Variants in MAGEA3 observed in about 807,000 individuals in gnomAD.
The protein encoded by MAGEA3 is melanoma-associated antigen 3.
For missense variants in MAGEA3, 207 were observed against 239.1 expected, an observed-to-expected ratio of 0.87 and a Z score of 0.89; for synonymous variants, 110 against 102.2, an observed-to-expected ratio of 1.08 and a Z score of -0.46.
Position 152,701,824 on chromosome X carries a change from C to T in MAGEA3, c.*47C>T. On this transcript the variant is annotated 3_prime_UTR_variant, in exon 3 of 3. Coordinates refer to ENST00000370278, the MANE Select transcript of MAGEA3 (RefSeq NM_005362.4). ...AGGGCCAGTGGGAGGGGGTCTGGGCCAGTGCACCTTCCGGGGCCGCATCCC... is the reference window on the plus strand; with the variant it reads ...AGGGCCAGTGGGAGGGGGTCTGGGCTAGTGCACCTTCCGGGGCCGCATCCC... 1 of 1,146,526 alleles carries T rather than the reference C, an allele frequency of 8.7e-7. No individual in the cohort carries two copies. The highest frequency in any genetic ancestry group is 1.2e-6 in the Non-Finnish European group (1 of 850,467). The allele number at this position is 1,146,526 out of a possible 1,213,427, so 94.5% of individuals were successfully genotyped here.
Position 152,700,615 on chromosome X carries a change from C to T in MAGEA3, c.-131-7C>T. The T allele has an allele frequency of 1.5e-6, 1 of 676,684 alleles. No homozygotes were observed. 55.8% of individuals were successfully genotyped at this position (676,684 alleles called of 1,213,427 possible). On this transcript the variant is annotated splice_polypyrimidine_tract_variant and splice_region_variant and intron_variant, in intron 1 of 2. Coordinates refer to ENST00000370278, the MANE Select transcript of MAGEA3 (RefSeq NM_005362.4). ...ACCCTGAGGTGCCCTCTCACTTCCT[C>T]CTTCAGGTTCTGAGGGGACAGGCTG...
chrX:152,701,815 G>A lies in MAGEA3; in HGVS notation c.*38G>A, dbSNP rs1931784444. 6.0e-6 allele frequency: 7 copies of A among 1,170,305 alleles called. 1 individual carries two copies. Among genetic ancestry groups the A allele is most frequent in the Non-Finnish European group, 8.0e-6 (7 of 870,397 alleles). On this transcript the variant is annotated 3_prime_UTR_variant, in exon 3 of 3. Coordinates refer to ENST00000370278, the MANE Select transcript of MAGEA3 (RefSeq NM_005362.4). ...GTTGCAGCCAGGGCCAGTGGGAGGG[G>A]GTCTGGGCCAGTGCACCTTCCGGGG...
In MAGEA3 at chrX:152,701,797, C is replaced by T. The variant is rs1556827270; in HGVS notation, c.*20C>T. On this transcript the variant is annotated 3_prime_UTR_variant, in exon 3 of 3. Transcript: ENST00000370278. ...GAGTGAGTCTGAGCACGAGTTGCAGCCAGGGCCAGTGGGAGGGGGTCTGGG... is the reference window on the plus strand; with the variant it reads ...GAGTGAGTCTGAGCACGAGTTGCAGTCAGGGCCAGTGGGAGGGGGTCTGGG... 9 of 1,194,755 alleles carry T rather than the reference C, an allele frequency of 7.5e-6. No individual in the cohort carries two copies. The highest frequency in any genetic ancestry group is 3.0e-5 in the East Asian group (1 of 33,738).
Position 152,701,830 on chromosome X carries a change from A to G in MAGEA3, c.*53A>G. ...AGTGGGAGGGGGTCTGGGCCAGTGC[A>G]CCTTCCGGGGCCGCATCCCTTAGTT... On this transcript the variant is annotated 3_prime_UTR_variant, in exon 3 of 3. Transcript: ENST00000370278. The G allele has an allele frequency of 8.8e-7, 1 of 1,134,979 alleles. No homozygotes were observed. Among genetic ancestry groups the G allele is most frequent in the Non-Finnish European group, 1.2e-6 (1 of 841,621 alleles). The allele number at this position is 1,134,979 out of a possible 1,213,427, so 93.5% of individuals were successfully genotyped here.
Position 152,701,886 on chromosome X carries a change from C to T in MAGEA3, c.*109C>T, listed in dbSNP as rs1248767196. On this transcript the variant is annotated 3_prime_UTR_variant, in exon 3 of 3. Coordinates refer to ENST00000370278, the MANE Select transcript of MAGEA3 (RefSeq NM_005362.4). ...TGCCTCCTGTGACGTGAGGCCCATT[C>T]TTCACTCTTTGAAGCGAGCAGTCAG... is the stretch of plus-strand genomic sequence containing the variant. The T allele has an allele frequency of 1.1e-5, 9 of 811,232 alleles. No homozygotes were observed. The highest frequency in any genetic ancestry group is 2.1e-5 in the African/African-American group (1 of 47,817). 66.9% of individuals were successfully genotyped at this position (811,232 alleles called of 1,213,427 possible). A position where few individuals can be genotyped will look rare whatever the true frequency, so the allele number is the denominator to read the frequency against.
chrX:152,700,131 C>CA (rs1474992449), intron 1 of MAGEA3, among the ~76,000 whole-genome samples: 4 of 103,530 alleles, frequency 3.9e-5, no homozygotes, highest in Non-Finnish European at 7.8e-5. Context: ...TGTGGGTCCC[C>CA]TCATGTTTTT....
chrX:152,701,190 C>T lies in MAGEA3; in HGVS notation c.358C>T (p.Leu120=). The part of the protein sequence containing the change: ...SRKVAELVHF[L]LLKYRAREPV... Reference sequence around the variant, plus strand: ...GAAGGTGGCCGAGTTGGTTCATTTTCTGCTCCTCAAGTATCGAGCCAGGGA... The same window carrying T: ...GAAGGTGGCCGAGTTGGTTCATTTTTTGCTCCTCAAGTATCGAGCCAGGGA... The change falls in exon 3 of 3, where the codon CTG becomes TTG. Residue 120 remains leucine (L), a synonymous_variant. Transcript: ENST00000370278. 8.3e-7 allele frequency: 1 copy of T among 1,209,890 alleles called. No individual in the cohort carries two copies. Among genetic ancestry groups the T allele is most frequent in the Non-Finnish European group, 1.1e-6 (1 of 894,128 alleles).
At position 152,701,642 on chromosome X, in the gene MAGEA3, A is replaced by G. The variant is rs12846936; in HGVS notation, c.810A>G (p.Glu270=). Residue 270 remains glutamate, a synonymous_variant, in exon 3 of 3, where the codon GAA becomes GAG. Coordinates refer to ENST00000370278, the MANE Select transcript of MAGEA3 (RefSeq NM_005362.4). ...CCGGCAGTGATCCTGCATGTTATGA[A>G]TTCCTGTGGGGTCCAAGGGCCCTCG... ...QVPGSDPACY[E]FLWGPRALVE... 524 of 1,208,904 alleles carry G rather than the reference A, an allele frequency of 4.3e-4. 5 individuals carry two copies. Among genetic ancestry groups the G allele is most frequent in the African/African-American group, 3.3e-3 (191 of 57,344 alleles).
Position 152,701,516 on chromosome X carries a change from A to G in MAGEA3, c.684A>G (p.Leu228=). The G allele has an allele frequency of 8.3e-6, 10 of 1,210,322 alleles. No homozygotes were observed. Among genetic ancestry groups the G allele is most frequent in the Non-Finnish European group, 1.1e-5 (10 of 894,530 alleles). The change falls in exon 3 of 3, where the codon TTA becomes TTG. Residue 228 remains leucine, a synonymous_variant. Coordinates refer to ENST00000370278, the MANE Select transcript of MAGEA3 (RefSeq NM_005362.4). ...AAATCTGGGAGGAGCTGAGTGTGTT[A>G]GAGGTGTTTGAGGGGAGGGAAGACA... ...EEKIWEELSV[L]EVFEGREDSI...
chrX:152,701,827 T>G lies in MAGEA3; in HGVS notation c.*50T>G. Reference sequence around the variant, plus strand: ...GCCAGTGGGAGGGGGTCTGGGCCAGTGCACCTTCCGGGGCCGCATCCCTTA... The same window carrying G: ...GCCAGTGGGAGGGGGTCTGGGCCAGGGCACCTTCCGGGGCCGCATCCCTTA... On this transcript the variant is annotated 3_prime_UTR_variant, in exon 3 of 3. Coordinates refer to ENST00000370278, the MANE Select transcript of MAGEA3 (RefSeq NM_005362.4). The G allele has an allele frequency of 8.7e-7, 1 of 1,146,381 alleles. No homozygotes were observed. Among genetic ancestry groups the G allele is most frequent in the Non-Finnish European group, 1.2e-6 (1 of 850,618 alleles). The allele number at this position is 1,146,381 out of a possible 1,213,427, so 94.5% of individuals were successfully genotyped here.
At position 152,701,804 on chromosome X, in the gene MAGEA3, C is replaced by T; in HGVS notation, c.*27C>T. On this transcript the variant is annotated 3_prime_UTR_variant, in exon 3 of 3. Transcript: ENST00000370278. Reference sequence around the variant, plus strand: ...TCTGAGCACGAGTTGCAGCCAGGGCCAGTGGGAGGGGGTCTGGGCCAGTGC... The same window carrying T: ...TCTGAGCACGAGTTGCAGCCAGGGCTAGTGGGAGGGGGTCTGGGCCAGTGC... 8.4e-7 allele frequency: 1 copy of T among 1,189,655 alleles called. No homozygotes were observed. The highest frequency in any genetic ancestry group is 1.1e-6 in the Non-Finnish European group (1 of 882,187).
rs782081925 is a variant in MAGEA3 at position 152,701,083 on chromosome X, A to G, written c.251A>G (p.Tyr84Cys). The G allele has an allele frequency of 2.5e-6, 3 of 1,206,416 alleles. No homozygotes were observed. Among genetic ancestry groups the G allele is most frequent in the African/African-American group, 1.8e-5 (1 of 56,613 alleles). ...AACTACCCTCTCTGGAGCCAATCCT[A>G]TGAGGACTCCAGCAACCAAGAAGAG... ...TMNYPLWSQSYEDSSNQEEEG... is the reference protein window; with the variant it reads ...TMNYPLWSQSCEDSSNQEEEG... Residue 84 changes from tyrosine to cysteine, a missense_variant, in exon 3 of 3, where the codon TAT becomes TGT. Coordinates refer to ENST00000370278, the MANE Select transcript of MAGEA3 (RefSeq NM_005362.4).
chrX:152,701,768 G>A lies in MAGEA3; in HGVS notation c.936G>A (p.Gly312=), dbSNP rs782724226. 1.5e-4 allele frequency: 175 copies of A among 1,205,679 alleles called. 1 individual carries two copies. The highest frequency in any genetic ancestry group is 6.9e-4 in the Middle Eastern group (3 of 4,348). ...PPLHEWVLRE[G]EE ...TGCATGAGTGGGTTTTGAGAGAGGGGGAAGAGTGAGTCTGAGCACGAGTTG... is the reference window on the plus strand; with the variant it reads ...TGCATGAGTGGGTTTTGAGAGAGGGAGAAGAGTGAGTCTGAGCACGAGTTG... Residue 312 remains glycine, a synonymous_variant, in exon 3 of 3, where the codon GGG becomes GGA. Transcript: ENST00000370278.
In MAGEA3 at chrX:152,701,426, G is replaced by A; in HGVS notation, c.594G>A (p.Lys198=). 2 of 1,210,330 alleles carry A rather than the reference G, an allele frequency of 1.7e-6. No homozygotes were observed. Among genetic ancestry groups the A allele is most frequent in the Non-Finnish European group, 2.2e-6 (2 of 894,550 alleles). Residue 198 remains lysine, a synonymous_variant, in exon 3 of 3, where the codon AAG becomes AAA. Transcript: ENST00000370278. ...TGGGTGACAATCAGATCATGCCCAA[G>A]GCAGGCCTCCTGATAATCGTCCTGG... The part of the protein sequence containing the change: ...GLLGDNQIMP[K]AGLLIIVLAI...
chrX:152,701,718 G>A lies in MAGEA3; in HGVS notation c.886G>A (p.Gly296Arg). The A allele has an allele frequency of 8.3e-7, 1 of 1,210,272 alleles. No individual in the cohort carries two copies. The highest frequency in any genetic ancestry group is 1.8e-5 in the South Asian group (1 of 56,808). ...GCACCATATGGTAAAGATCAGTGGA[G>A]GACCTCACATTTCCTACCCACCCCT... Reference protein sequence around the residue: ...VLHHMVKISGGPHISYPPLHE... With the variant: ...VLHHMVKISGRPHISYPPLHE... Residue 296 changes from glycine to arginine, a missense_variant, in exon 3 of 3, where the codon GGA becomes AGA. Transcript: ENST00000370278.
chrX:152,701,282 C>A lies in MAGEA3; in HGVS notation c.450C>A (p.Ile150=), dbSNP rs1556826396. 44 of 1,207,868 alleles carry A rather than the reference C, an allele frequency of 3.6e-5. 1 individual carries two copies. The highest frequency in any genetic ancestry group is 4.7e-5 in the Non-Finnish European group (42 of 893,591). The change falls in exon 3 of 3, where the codon ATC becomes ATA. Residue 150 remains isoleucine, a synonymous_variant. Coordinates refer to ENST00000370278, the MANE Select transcript of MAGEA3 (RefSeq NM_005362.4). The part of the protein sequence containing the change: ...VGNWQYFFPV[I]FSKASSSLQL... ...ATTGGCAGTATTTCTTTCCTGTGAT[C>A]TTCAGCAAAGCTTCCAGTTCCTTGC...
Position 152,701,513 on chromosome X carries a change from G to C in MAGEA3, c.681G>C (p.Val227=). Residue 227 remains valine, a synonymous_variant, in exon 3 of 3, where the codon GTG becomes GTC. Coordinates refer to ENST00000370278, the MANE Select transcript of MAGEA3 (RefSeq NM_005362.4). The part of the protein sequence containing the change: ...PEEKIWEELS[V]LEVFEGREDS... ...AGAAAATCTGGGAGGAGCTGAGTGTGTTAGAGGTGTTTGAGGGGAGGGAAG... is the reference window on the plus strand; with the variant it reads ...AGAAAATCTGGGAGGAGCTGAGTGTCTTAGAGGTGTTTGAGGGGAGGGAAG... 2 of 1,210,388 alleles carry C rather than the reference G, an allele frequency of 1.7e-6. No homozygotes were observed. Among genetic ancestry groups the C allele is most frequent in the Non-Finnish European group, 2.2e-6 (2 of 894,548 alleles).
In MAGEA3 at chrX:152,701,160, A is replaced by G; in HGVS notation, c.328A>G (p.Ser110Gly). 1 of 1,209,662 alleles carries G rather than the reference A, an allele frequency of 8.3e-7. No homozygotes were observed. The highest frequency in any genetic ancestry group is 1.1e-6 in the Non-Finnish European group (1 of 893,986). The change falls in exon 3 of 3, where the codon AGT (serine) becomes GGT (glycine). Residue 110 changes from serine (S) to glycine (G), a missense_variant. Coordinates refer to ENST00000370278, the MANE Select transcript of MAGEA3 (RefSeq NM_005362.4). ...DLESEFQAAL[S>G]RKVAELVHFL... ...GGAGTCCGAGTTCCAAGCAGCACTC[A>G]GTAGGAAGGTGGCCGAGTTGGTTCA...
Position 152,700,672 on chromosome X carries a change from C to T in MAGEA3, c.-81C>T, listed in dbSNP as rs1157479924. The stretch of plus-strand genomic sequence containing the variant: ...AGGACCAGAGGCCCCCGGAGGAGCA[C>T]TGAAGGAGAAGATCTGTAAGTAAGC... On this transcript the variant is annotated 5_prime_UTR_variant, in exon 2 of 3. Coordinates refer to ENST00000370278, the MANE Select transcript of MAGEA3 (RefSeq NM_005362.4). The T allele has an allele frequency of 2.4e-5, 19 of 776,191 alleles. No individual in the cohort carries two copies. Among genetic ancestry groups the T allele is most frequent in the Non-Finnish European group, 3.6e-5 (18 of 504,726 alleles). 64.0% of individuals were successfully genotyped at this position (776,191 alleles called of 1,213,427 possible).
Sources: gnomAD v4.1 joint callset for allele counts (sites outside exome capture counted in the v4.1 genomes callset) on GRCh38, gnomAD v4.1.1 for gene constraint, MANE v1.5 for transcripts, NCBI Gene and HGNC (gene_info 2026-07-23, HGNC 2026-07-21) for gene names.